The following PRC1 variants were observed in gnomAD, a reference collection of about 807,000 sequenced individuals.
PRC1 encodes the protein protein regulator of cytokinesis 1, also known as anaphase spindle elongation 1 homolog.
PRC1 carries 54 observed loss-of-function variants against 91.2 expected under a neutral mutation model. The observed-to-expected ratio is 0.59, with a 90% CI of 0.48 to 0.74. The LOEUF (loss-of-function observed/expected upper bound fraction) is 0.74. Among genes scored for constraint, PRC1 ranks in the 30% least tolerant of loss-of-function variants. The pLI is 0.00. For missense variants in PRC1, 727 were observed against 746.2 expected (o/e 0.97, Z 0.30); for synonymous variants, 275 against 263.6 (o/e 1.04, Z -0.42).
intron 14 of PRC1, chr15:90,968,413 C>T (rs748828880): frequency 4.7e-5 from 46 of 985,398 alleles, no homozygotes; most frequent in Non-Finnish European, 5.2e-5. Flanking sequence ...AACTCAATAT[C>T]CCCTCAAGGG....
chr15:90,988,813 T>C (rs570732115), intron 1 of PRC1, among the ~76,000 whole-genome samples: 28 of 152,260 alleles, frequency 1.8e-4, no homozygotes, highest in Admixed American at 8.5e-4. Context: ...AGTTGTTCAA[T>C]AGATATAAAA....
intron 14 of PRC1, chr15:90,967,494 A>G: frequency 2.8e-6 from 1 of 360,428 alleles, no homozygotes; most frequent in Non-Finnish European, 5.1e-6. Flanking sequence ...CTGCATAATG[A>G]TGTTTCAGTT....
chr15:90,968,968 TTTG>T, intron 14 of PRC1, 108 bp downstream of exon 14: 1 of 1,557,924 alleles, frequency 6.4e-7, no homozygotes. Flanking sequence ...TCCTGCTTCC[TTTG>T]TAACACTGCT....
At chr15:90,981,449 A>G in intron 5 of PRC1, 50 bp downstream of exon 5, 2 of 1,594,978 alleles carry the variant, frequency 1.3e-6, no homozygotes, top group Non-Finnish European at 1.7e-6. Context: ...GTTTTGTTCA[A>G]ACTGCTATAT....
At position 90,966,620 on chromosome 15, in the gene PRC1, A is replaced by G. The variant is rs899616405; in HGVS notation, c.*511T>C. On this transcript the variant is annotated 3_prime_UTR_variant, in exon 15 of 15. Transcript: ENST00000394249. ...AGGGCAGGCCATCTCAACTTCGGAC[A>G]CACAAAGACATTCTCTTCAGGAGGA... 2 of 448,644 alleles carry G rather than the reference A, an allele frequency of 4.5e-6. No individual in the cohort carries two copies. Among genetic ancestry groups the G allele is most frequent in the Non-Finnish European group, 9.1e-6 (2 of 220,656 alleles). The allele number at this position is 448,644 out of a possible 1,614,324, so 27.8% of individuals were successfully genotyped here.
chr15:90,978,752 T>TAAAAA (rs2038941975), intron 8 of PRC1, among the ~76,000 whole-genome samples: 1 of 22,032 alleles, frequency 4.5e-5, no homozygotes, highest in Non-Finnish European at 6.4e-5. Context: ...AAACTCCACC[T>TAAAAA]CAAAAAAAAA....
intron 14 of PRC1, 158 bp downstream of exon 14, chr15:90,968,921 T>C (rs2037793790): frequency 2.0e-6 from 3 of 1,464,674 alleles, no homozygotes; most frequent in Non-Finnish European, 2.7e-6. Flanking sequence ...GTTGTGAATG[T>C]AAATCAGATG....
chr15:90,976,618 T>C (rs1434539288), intron 9 of PRC1, 58 bp downstream of exon 9: 8 of 1,346,032 alleles, frequency 5.9e-6, no homozygotes, highest in Non-Finnish European at 8.4e-6. Flanking sequence ...GAAAAAGACA[T>C]ACAAATAGTG....
chr15:90,988,863 T>C (rs1329649756), intron 1 of PRC1, among the ~76,000 whole-genome samples: 2 of 152,202 alleles, frequency 1.3e-5, no homozygotes, highest in Non-Finnish European at 2.9e-5. Flanking sequence ...CCTATGCTCC[T>C]AACCTACCTA....
chr15:90,969,814 G>C (rs1383847221), intron 12 of PRC1, among the ~76,000 whole-genome samples, 191 bp from the exon 13 acceptor site: 1 of 142,052 alleles, frequency 7.0e-6, no homozygotes, highest in African/African-American at 2.6e-5. Flanking sequence ...GGCTGGGTGT[G>C]GCTCATGCCT....
chr15:90,990,393 T>TAA (rs1491027786), intron 1 of PRC1, among the ~76,000 whole-genome samples: 12 of 54,904 alleles, frequency 2.2e-4, no homozygotes, highest in African/African-American at 1.9e-3. Flanking sequence ...AATAAATAAT[T>TAA]TTTTTTTTTT....
Position 90,974,426 on chromosome 15 carries a change from C to T in PRC1, c.1350+159G>A, listed in dbSNP as rs549583248. 7.4e-6 allele frequency: 9 copies of T among 1,218,526 alleles called. No homozygotes were observed. The East Asian group carries it at 1.7e-4, about 23-fold the overall frequency. The allele number at this position is 1,218,526 out of a possible 1,614,324, so 75.5% of individuals were successfully genotyped here. On this transcript the variant is annotated intron_variant, in intron 10 of 14. Transcript: ENST00000394249. This position sits in a 1 kb window ranked among gnomAD's most constrained non-coding sequence, Gnocchi z 4.6. ...CTCCCCGTTCCACAAGCCCCGGTCC[C>T]CGGCTCCCCGTTCCACAAGCCCCGG...
At position 90,979,235 on chromosome 15, in the gene PRC1, A is replaced by G; in HGVS notation, c.1030T>C (p.Tyr344His). The G allele has an allele frequency of 1.2e-6, 2 of 1,614,228 alleles. No homozygotes were observed. Among genetic ancestry groups the G allele is most frequent in the Non-Finnish European group, 1.7e-6 (2 of 1,180,034 alleles). The change falls in exon 8 of 15, where the codon TAC (tyrosine) becomes CAC (histidine). Residue 344 changes from tyrosine (Y) to histidine (H), a missense_variant. Transcript: ENST00000394249. ...AAGAGTTCCTTGTGAACTTCATAGT[A>G]GTTTTTTAACCGCACAATCTCAGCA... The part of the protein sequence containing the change: ...HDAEIVRLKN[Y>H]YEVHKELFEG...
In PRC1 at chr15:90,973,895, A is replaced by C. The variant is rs530577605; in HGVS notation, c.1461+241T>G. The C allele has an allele frequency of 8.0e-5, 34 of 427,178 alleles. No homozygotes were observed. In the South Asian group the frequency reaches 1.0e-3, roughly 13 times the overall value. 26.5% of individuals were successfully genotyped at this position (427,178 alleles called of 1,614,324 possible). ...GCCAAGATAGTGAAAATAGTAATCAATAAATACTGAGGGAACTCAAGAGAC... is the reference window on the plus strand; with the variant it reads ...GCCAAGATAGTGAAAATAGTAATCACTAAATACTGAGGGAACTCAAGAGAC... On this transcript the variant is annotated intron_variant, in intron 11 of 14. Coordinates refer to ENST00000394249, the MANE Select transcript of PRC1 (RefSeq NM_003981.4).
chr15:90,975,244 T>G (rs2038571312), intron 9 of PRC1, among the ~76,000 whole-genome samples: 1 of 152,182 alleles, frequency 6.6e-6, no homozygotes, highest in African/African-American at 2.4e-5. Context: ...TAGCTGGGAT[T>G]ACAGGCATAC....
intron 9 of PRC1, among the ~76,000 whole-genome samples, chr15:90,975,838 GAATT>G (rs928504133): frequency 1.2e-4 from 19 of 152,162 alleles, no homozygotes; most frequent in Middle Eastern, 6.8e-3. Flanking sequence ...AAAAAAGAAA[GAATT>G]AAGTTAAAAT....
Position 90,975,198 on chromosome 15 carries a change from C to T in PRC1, c.1204-467G>A, listed in dbSNP as rs573096877. Among the ~76,000 whole-genome samples, 40 of 152,256 alleles carry T rather than the reference C, an allele frequency of 2.6e-4. No homozygotes were observed. In the South Asian group the frequency reaches 3.5e-3, roughly 13 times the overall value. Reference sequence around the variant, plus strand: ...TCAGCTCACTGCAACCTCCACCTCCCGGGTTCAAGCGATTCTTGTGCCTCA... The same window carrying T: ...TCAGCTCACTGCAACCTCCACCTCCTGGGTTCAAGCGATTCTTGTGCCTCA... On this transcript the variant is annotated intron_variant, in intron 9 of 14. Transcript: ENST00000394249.
At chr15:90,982,246 T>G (rs1469597459) in intron 3 of PRC1, among the ~76,000 whole-genome samples, 1 of 152,218 alleles carries the variant, frequency 6.6e-6, no homozygotes. Context: ...TCTTAACCAT[T>G]ACGTGTACAG....
At chr15:90,978,154 CTA>C (rs1248828069) in intron 8 of PRC1, among the ~76,000 whole-genome samples, 1 of 152,168 alleles carries the variant, frequency 6.6e-6, no homozygotes, top group African/African-American at 2.4e-5. Flanking sequence ...TCCCTGAGCT[CTA>C]AAATGCTCTG....
Sources: allele counts gnomAD v4.1 joint callset (sites outside exome capture counted in the v4.1 genomes callset), GRCh38; gene constraint gnomAD v4.1.1; non-coding constraint Gnocchi (gnomAD v3.1); transcripts MANE v1.5; gene names NCBI Gene and HGNC (gene_info 2026-07-23, HGNC 2026-07-21).